The following RBM27 variants were observed in gnomAD, a reference collection of about 807,000 sequenced individuals.
RBM27 encodes the protein RNA binding motif protein 27.
A neutral mutation model predicts 135.3 loss-of-function variants in RBM27; 22 were observed. The observed-to-expected ratio is 0.16, with a 90% CI of 0.12 to 0.23. RBM27 has a LOEUF of 0.23. Ranked by LOEUF, RBM27 falls within the 10% of genes least tolerant of loss-of-function variation. The pLI is 1.00. For synonymous variants in RBM27, 481 were observed against 442.4 expected, an observed-to-expected ratio of 1.09 and a Z score of -1.10; for missense variants, 1,009 against 1,281.0, an observed-to-expected ratio of 0.79 and a Z score of 3.24.
intron 17 of RBM27, 81 bp downstream of exon 17, chr5:146,269,665 C>A (rs10044967): frequency 3.2e-6 from 3 of 948,994 alleles, no homozygotes; most frequent in Middle Eastern, 3.4e-4. Context: ...ACAATGGGAC[C>A]CTTAGGTAGC....
At chr5:146,276,207 TA>T (rs1288494584) in intron 19 of RBM27, among the ~76,000 whole-genome samples, 9 of 152,194 alleles carry the variant, frequency 5.9e-5, no homozygotes, top group African/African-American at 1.9e-4. Flanking sequence ...TGTTTTCTTT[TA>T]TTTTTTTGTT....
intron 3 of RBM27, among the ~76,000 whole-genome samples, chr5:146,227,400 T>C (rs761338736): frequency 6.6e-6 from 1 of 152,174 alleles, no homozygotes; most frequent in Non-Finnish European, 1.5e-5. Flanking sequence ...TTAAATGTAG[T>C]CTAGTGAGTG....
At chr5:146,263,410 A>G (rs1758478890) in intron 13 of RBM27, 81 bp from the exon 14 acceptor site, 5 of 1,378,318 alleles carry the variant, frequency 3.6e-6, no homozygotes, top group Admixed American at 4.2e-5. Context: ...CTTCTTCCCT[A>G]GAGTAATCAT....
chr5:146,279,480 TA>T (rs1330076225), intron 19 of RBM27, among the ~76,000 whole-genome samples: 1 of 148,732 alleles, frequency 6.7e-6, no homozygotes, highest in Non-Finnish European at 1.5e-5. Context: ...ACAAAACTTT[TA>T]AAAATAAAAA....
At chr5:146,241,656 G>A (rs1006089105) in intron 8 of RBM27, among the ~76,000 whole-genome samples, 5 of 152,072 alleles carry the variant, frequency 3.3e-5, no homozygotes, top group African/African-American at 4.8e-5. Context: ...ATGGGGTTTC[G>A]CCATGCTGGC....
intron 3 of RBM27, among the ~76,000 whole-genome samples, chr5:146,228,103 A>C (rs1232228312): frequency 2.0e-5 from 3 of 152,204 alleles, no homozygotes; most frequent in Non-Finnish European, 4.4e-5. Flanking sequence ...TAACATTAAA[A>C]AATTAACAAA....
chr5:146,257,708 A>G (rs774693426), intron 10 of RBM27, among the ~76,000 whole-genome samples: 2 of 152,222 alleles, frequency 1.3e-5, no homozygotes, highest in Non-Finnish European at 2.9e-5. Context: ...GATTTGGTGA[A>G]CTTCTTGTTG....
In RBM27 at chr5:146,218,893, T is replaced by C. The variant is rs374003908; in HGVS notation, c.60-92T>C. On this transcript the variant is annotated intron_variant, in intron 1 of 20. Transcript: ENST00000265271. Reference sequence around the variant, plus strand: ...CTTTTTAGAATAGAGTTTTGATTTCTCGTTTTCCAAAATAAGGGTGACTTC... The same window carrying C: ...CTTTTTAGAATAGAGTTTTGATTTCCCGTTTTCCAAAATAAGGGTGACTTC... 14 of 729,520 alleles carry C rather than the reference T, an allele frequency of 1.9e-5. No homozygotes were observed. In the South Asian group the frequency reaches 2.9e-4, roughly 15 times the overall value. 45.2% of individuals were successfully genotyped at this position (729,520 alleles called of 1,614,324 possible).
chr5:146,240,278 A>G (rs74859778), intron 8 of RBM27, among the ~76,000 whole-genome samples: 3 of 150,596 alleles, frequency 2.0e-5, no homozygotes, highest in Admixed American at 6.7e-5. Context: ...CTTGGAAGAC[A>G]TGATTGCTGT....
At chr5:146,269,801 C>G (rs368009305) in intron 17 of RBM27, among the ~76,000 whole-genome samples, 208 of 144,622 alleles carry the variant, frequency 1.4e-3, no homozygotes, top group African/African-American at 5.0e-3. Context: ...CCCAGGTTGG[C>G]CTCAAATGCA....
chr5:146,274,247 CT>C (rs998266494), intron 19 of RBM27, among the ~76,000 whole-genome samples: 3 of 148,014 alleles, frequency 2.0e-5, no homozygotes, highest in Non-Finnish European at 4.5e-5. Context: ...AGGTGGTTAT[CT>C]TTTTTTTGTT....
chr5:146,250,952 T>A (rs778291685), intron 8 of RBM27, among the ~76,000 whole-genome samples: 5 of 151,952 alleles, frequency 3.3e-5, no homozygotes, highest in African/African-American at 4.8e-5. Flanking sequence ...AATTTTTGTA[T>A]TTTTAGTAGA....
chr5:146,246,865 T>G (rs1224444280), intron 8 of RBM27, among the ~76,000 whole-genome samples: 2 of 134,612 alleles, frequency 1.5e-5, no homozygotes, highest in African/African-American at 5.5e-5. Flanking sequence ...AGTGCTGTGG[T>G]TTTTTTTTTT....
intron 8 of RBM27, among the ~76,000 whole-genome samples, chr5:146,242,167 G>C (rs941973344): frequency 6.6e-5 from 10 of 152,136 alleles, no homozygotes; most frequent in Non-Finnish European, 1.2e-4. Flanking sequence ...CAGGCTGGGT[G>C]CTCAAGCAGT....
chr5:146,275,806 C>G (rs1202982392), intron 19 of RBM27, among the ~76,000 whole-genome samples: 1 of 152,150 alleles, frequency 6.6e-6, no homozygotes, highest in Non-Finnish European at 1.5e-5. Flanking sequence ...GTTATTTTCT[C>G]TAAATATTTG....
chr5:146,214,224 C>T (rs1477545713), intron 1 of RBM27, among the ~76,000 whole-genome samples: 1 of 152,174 alleles, frequency 6.6e-6, no homozygotes, highest in African/African-American at 2.4e-5. Flanking sequence ...CTTTTCTAAT[C>T]TCCATGTTAT....
At position 146,288,767 on chromosome 5, in the gene RBM27, T is replaced by C. The variant is rs1220742023; in HGVS notation, c.*2737T>C. 1 of 152,108 alleles carries C rather than the reference T, an allele frequency of 6.6e-6. No individual in the cohort carries two copies. The highest frequency in any genetic ancestry group is 1.9e-4 in the East Asian group (1 of 5,198). 9.4% of individuals were successfully genotyped at this position (152,108 alleles called of 1,614,324 possible). ...CAAGATAAAAAGGTAACCCCAAGTA[T>C]TGCAAAATTTCCCTCAATTTCTTTA... is the stretch of plus-strand genomic sequence containing the variant. On this transcript the variant is annotated 3_prime_UTR_variant, in exon 21 of 21. Transcript: ENST00000265271.
chr5:146,277,921 C>A (rs1284967882), intron 19 of RBM27, among the ~76,000 whole-genome samples: 1 of 152,172 alleles, frequency 6.6e-6, no homozygotes, highest in Non-Finnish European at 1.5e-5. Flanking sequence ...GTAAGTGCTA[C>A]TTAGTCAGTG....
In RBM27 at chr5:146,258,569, T is replaced by C; in HGVS notation, c.1715T>C (p.Leu572Pro). Residue 572 changes from leucine to proline, a missense_variant, in exon 11 of 21, where the codon CTC becomes CCC. Transcript: ENST00000265271. ...GCTATGAGTGGTTTGGAAGGGCCAC[T>C]CACAAAGAAACCTTGGCTGGGAAAG... Reference protein sequence around the residue: ...KRAMSGLEGPLTKKPWLGKQG... With the variant: ...KRAMSGLEGPPTKKPWLGKQG... 1 of 1,573,810 alleles carries C rather than the reference T, an allele frequency of 6.4e-7. No individual in the cohort carries two copies. Among genetic ancestry groups the C allele is most frequent in the South Asian group, 1.2e-5 (1 of 84,016 alleles).
Sources: allele counts gnomAD v4.1 joint callset (sites outside exome capture counted in the v4.1 genomes callset), GRCh38; gene constraint gnomAD v4.1.1; transcripts MANE v1.5; gene names NCBI Gene and HGNC (gene_info 2026-07-23, HGNC 2026-07-21).